The following ARHGAP22 variants were observed in gnomAD, a reference collection of about 807,000 sequenced individuals.
ARHGAP22 encodes rho GTPase-activating protein 22.
A neutral mutation model predicts 59.1 loss-of-function variants in ARHGAP22; 48 were observed. That is an observed-to-expected ratio of 0.81 (90% confidence interval 0.64 to 1.03). ARHGAP22 has a LOEUF of 1.03. ARHGAP22 is among the 50% of genes least tolerant of loss of function. ARHGAP22 has a pLI of 0.00. For synonymous variants in ARHGAP22, 445 were observed against 416.4 expected, an observed-to-expected ratio of 1.07 and a Z score of -0.84; for missense variants, 1,015 against 958.7, an observed-to-expected ratio of 1.06 and a Z score of -0.78.
At chr10:48,559,005 A>C (rs944891662) in intron 2 of ARHGAP22, among the ~76,000 whole-genome samples, 4 of 152,250 alleles carry the variant, frequency 2.6e-5, no homozygotes, top group Non-Finnish European at 5.9e-5. Flanking sequence ...TGTTTTGCCA[A>C]GATTCTGTGC....
chr10:48,453,272 A>G (rs1395480695), intron 8 of ARHGAP22, 32 bp downstream of exon 8: 5 of 1,611,602 alleles, frequency 3.1e-6, no homozygotes, highest in Non-Finnish European at 4.2e-6. Flanking sequence ...CCCCGGCAGC[A>G]CCCAGGGCCA....
intron 3 of ARHGAP22, chr10:48,523,995 G>T: frequency 7.0e-7 from 1 of 1,420,708 alleles, no homozygotes; most frequent in Non-Finnish European, 9.2e-7. Context: ...CCGAGGCGGG[G>T]CTGGCAGCCT....
chr10:48,496,547 G>C (rs2050951579), intron 3 of ARHGAP22, among the ~76,000 whole-genome samples: 1 of 152,174 alleles, frequency 6.6e-6, no homozygotes, highest in Admixed American at 6.5e-5. Context: ...CCAGCCCAGA[G>C]CTGCTGCCTC....
intron 3 of ARHGAP22, among the ~76,000 whole-genome samples, chr10:48,494,121 C>A (rs888294933): frequency 6.6e-6 from 1 of 152,176 alleles, no homozygotes; most frequent in African/African-American, 2.4e-5. Flanking sequence ...GGCACCTGCA[C>A]GTGGTACTTG....
In ARHGAP22 at chr10:48,555,492, G is replaced by T. The variant is rs1005992723; in HGVS notation, c.293C>A (p.Pro98Gln). The T allele has an allele frequency of 1.9e-6, 3 of 1,614,072 alleles. No individual in the cohort carries two copies. In the African/African-American group the frequency reaches 4.0e-5, roughly 22 times the overall value. ...VTELPPGPEDPGKHLFEISPG... is the reference protein window; with the variant it reads ...VTELPPGPEDQGKHLFEISPG... ...GCTGATCTCAAAGAGGTGCTTCCCT[G>T]GGTCCTCGGGGCCAGGAGGAAGTTC... is the stretch of plus-strand genomic sequence containing the variant. The change falls in exon 3 of 10, where the codon CCA becomes CAA. Residue 98 changes from proline to glutamine, a missense_variant. Physicochemically the swap from Pro to Gln is moderately conservative, Grantham distance 76 (BLOSUM62 -1). Coordinates refer to ENST00000249601, the MANE Select transcript of ARHGAP22 (RefSeq NM_021226.4).
At chr10:48,462,000 G>T (rs2047178771) in intron 4 of ARHGAP22, among the ~76,000 whole-genome samples, 1 of 152,192 alleles carries the variant, frequency 6.6e-6, no homozygotes, top group Non-Finnish European at 1.5e-5. Flanking sequence ...TCCTCACCCT[G>T]CTTGACCCAA....
At chr10:48,636,512 G>A (rs2061824093) in intron 1 of ARHGAP22, among the ~76,000 whole-genome samples, 1 of 152,176 alleles carries the variant, frequency 6.6e-6, no homozygotes, top group South Asian at 2.1e-4. Context: ...ACCCTGCCCT[G>A]AATCCATGGG....
chr10:48,629,564 T>G (rs898369985), intron 1 of ARHGAP22, among the ~76,000 whole-genome samples: 7 of 152,234 alleles, frequency 4.6e-5, no homozygotes, highest in Non-Finnish European at 7.3e-5. Flanking sequence ...TTTGATTCCA[T>G]TCATCCACGT....
chr10:48,528,001 A>T (rs534270031), intron 3 of ARHGAP22, among the ~76,000 whole-genome samples: 64 of 152,272 alleles, frequency 4.2e-4, no homozygotes, highest in African/African-American at 1.3e-3. Context: ...TTTCTATGGG[A>T]TAGAGGCTGC....
Position 48,573,156 on chromosome 10 carries a change from C to A in ARHGAP22, c.234+9797G>T, listed in dbSNP as rs185112049. Among the ~76,000 whole-genome samples the A allele has an allele frequency of 2.1e-3, 325 of 152,254 alleles. 3 individuals carry two copies. The highest frequency in any genetic ancestry group is 7.6e-3 in the African/African-American group (317 of 41,542). On this transcript the variant is annotated intron_variant, in intron 2 of 9. Transcript: ENST00000249601. ...CGAGGTTGGAGCCATGTCGCCTGCC[C>A]CTAGACTCCACTGTTTGATTGTGTT... is the stretch of plus-strand genomic sequence containing the variant.
At chr10:48,639,789 A>C (rs1316940368) in intron 1 of ARHGAP22, among the ~76,000 whole-genome samples, 1 of 152,220 alleles carries the variant, frequency 6.6e-6, no homozygotes, top group Non-Finnish European at 1.5e-5. Flanking sequence ...TAAAATGCCC[A>C]CTTTCTAACA....
intron 1 of ARHGAP22, among the ~76,000 whole-genome samples, chr10:48,640,168 C>T (rs2061986394): frequency 6.6e-6 from 1 of 151,978 alleles, no homozygotes. Context: ...ATTAGCGAAC[C>T]TGAAGAACAC....
chr10:48,555,596 G>C, intron 2 of ARHGAP22, 46 bp from the exon 3 acceptor site: 1 of 1,583,260 alleles, frequency 6.3e-7, no homozygotes, highest in Non-Finnish European at 8.7e-7. Flanking sequence ...AGATGATGGG[G>C]AGGGGACTGC....
chr10:48,647,017 G>A (rs1214697504), intron 1 of ARHGAP22, among the ~76,000 whole-genome samples: 1 of 152,168 alleles, frequency 6.6e-6, no homozygotes, highest in African/African-American at 2.4e-5. Flanking sequence ...TCTAGAACAT[G>A]TAAACATTCT....
At chr10:48,548,445 C>T (rs187036254) in intron 3 of ARHGAP22, among the ~76,000 whole-genome samples, 35 of 152,368 alleles carry the variant, frequency 2.3e-4, no homozygotes, top group African/African-American at 8.4e-4. Context: ...CACCAACCCA[C>T]TTGGTTCCCT....
At chr10:48,633,358 C>T (rs923088568) in intron 1 of ARHGAP22, among the ~76,000 whole-genome samples, 12 of 152,186 alleles carry the variant, frequency 7.9e-5, no homozygotes, top group African/African-American at 1.2e-4. Context: ...GTTCCTGTGT[C>T]CAGAGTCTCC....
At position 48,454,991 on chromosome 10, in the gene ARHGAP22, G is replaced by A. The variant is rs537319585; in HGVS notation, c.792+11C>T. 3.2e-6 allele frequency: 5 copies of A among 1,584,534 alleles called. No homozygotes were observed. The South Asian group carries it at 3.4e-5, about 11-fold the overall frequency. Reference sequence around the variant, plus strand: ...CCCATCTCCCAGGAGCTATCCCCAGGAGCCACTGACCTCCCCCTCGTCCTT... The same window carrying A: ...CCCATCTCCCAGGAGCTATCCCCAGAAGCCACTGACCTCCCCCTCGTCCTT... On this transcript the variant is annotated intron_variant, in intron 6 of 9. Transcript: ENST00000249601.
intron 3 of ARHGAP22, among the ~76,000 whole-genome samples, chr10:48,500,213 G>C (rs1003443023): frequency 3.9e-5 from 6 of 152,124 alleles, no homozygotes; most frequent in Admixed American, 2.0e-4. Flanking sequence ...GTGTGGTGGC[G>C]CACACCTGTA....
At chr10:48,645,124 A>C (rs2062236431) in intron 1 of ARHGAP22, among the ~76,000 whole-genome samples, 1 of 152,176 alleles carries the variant, frequency 6.6e-6, no homozygotes, top group South Asian at 2.1e-4. Context: ...TACTATGAAC[A>C]ACCTTACGCC....
Sources: gnomAD v4.1 joint callset for allele counts (sites outside exome capture counted in the v4.1 genomes callset) on GRCh38, gnomAD v4.1.1 for gene constraint, MANE v1.5 for transcripts, NCBI Gene and HGNC (gene_info 2026-07-23, HGNC 2026-07-21) for gene names.